The following PPP1R3A variants were observed in gnomAD, a reference collection of about 807,000 sequenced individuals.
The protein encoded by PPP1R3A is RG1.
A neutral mutation model predicts 41.7 loss-of-function variants in PPP1R3A; 29 were observed. The observed-to-expected ratio is 0.70, with a 90% CI of 0.52 to 0.95. The LOEUF (loss-of-function observed/expected upper bound fraction) is 0.95. PPP1R3A is among the 40% of genes least tolerant of loss of function. The probability of loss-of-function intolerance (pLI) is 0.00; values close to 1 mark genes in which losing one functional copy is unlikely to be tolerated. For missense variants in PPP1R3A, 1,352 were observed against 1,292.4 expected (o/e 1.05, Z -0.71); for synonymous variants, 485 against 453.4 (o/e 1.07, Z -0.89).
At position 113,880,101 on chromosome 7, in the gene PPP1R3A, T is replaced by C. The variant is rs1426249095; in HGVS notation, c.991A>G (p.Arg331Gly). Residue 331 changes from arginine (R) to glycine (G), a missense_variant, in exon 4 of 4, where the codon AGA becomes GGA. Physicochemically the swap from Arg to Gly is moderately radical, Grantham distance 125. Coordinates refer to ENST00000284601, the MANE Select transcript of PPP1R3A (RefSeq NM_002711.4). ...CTTTCATCTCTGGAAGCAGTACTTCTGGTTCTTATTAAGTGTTGATTTATC... is the reference window on the plus strand; with the variant it reads ...CTTTCATCTCTGGAAGCAGTACTTCCGGTTCTTATTAAGTGTTGATTTATC... ...LMINQHLIRT[R>G]STASRDERNT... 6.2e-7 allele frequency: 1 copy of C among 1,601,268 alleles called. No homozygotes were observed.
At chr7:113,881,083 G>GA (rs1329095815) in intron 3 of PPP1R3A, among the ~76,000 whole-genome samples, 2 of 151,850 alleles carry the variant, frequency 1.3e-5, no homozygotes, top group African/African-American at 2.4e-5. Flanking sequence ...TCTGTGGTTT[G>GA]AAAAAAATGG....
At chr7:113,894,021 T>C (rs1182748330) in intron 1 of PPP1R3A, among the ~76,000 whole-genome samples, 1 of 151,994 alleles carries the variant, frequency 6.6e-6, no homozygotes, top group African/African-American at 2.4e-5. Context: ...GTGGTGTTTT[T>C]TTCTAGCTCA....
At position 113,879,478 on chromosome 7, in the gene PPP1R3A, T is replaced by G; in HGVS notation, c.1614A>C (p.Leu538Phe). ...EKQRKNFQTILHDQERKMGNP... is the reference protein window; with the variant it reads ...EKQRKNFQTIFHDQERKMGNP... ...TACCCATCTTCCTTTCTTGGTCATG[T>G]AAGATTGTTTGGAAATTTTTTCTTT... Residue 538 changes from leucine to phenylalanine, a missense_variant, in exon 4 of 4, where the codon TTA (leucine) becomes TTC (phenylalanine). Coordinates refer to ENST00000284601, the MANE Select transcript of PPP1R3A (RefSeq NM_002711.4). 1 of 1,613,354 alleles carries G rather than the reference T, an allele frequency of 6.2e-7. No homozygotes were observed. Among genetic ancestry groups the G allele is most frequent in the East Asian group, 2.2e-5 (1 of 44,830 alleles).
chr7:113,912,544 G>T (rs1054783175), intron 1 of PPP1R3A, among the ~76,000 whole-genome samples: 2 of 152,046 alleles, frequency 1.3e-5, no homozygotes, highest in Non-Finnish European at 2.9e-5. Flanking sequence ...ATCCACTTCA[G>T]ATATCTGCCC....
chr7:113,881,920 G>A (rs1271708028), intron 3 of PPP1R3A, 119 bp downstream of exon 3: 6 of 1,145,008 alleles, frequency 5.2e-6, no homozygotes, highest in African/African-American at 3.1e-5. Flanking sequence ...GACAGAATAG[G>A]CTGTGCTTTC....
intron 1 of PPP1R3A, among the ~76,000 whole-genome samples, chr7:113,885,094 A>G (rs749898753): frequency 2.6e-5 from 4 of 152,148 alleles, no homozygotes; most frequent in South Asian, 4.1e-4. Context: ...TTGCTCTGAC[A>G]TCCAGGCTAG....
rs577920040 is a variant in PPP1R3A, at chr7:113,889,514, T to C, written c.783-7194A>G. ...ATGGGAAGTGAAAACTAGTGTTTGTTGAATGGAAAATGCCCAGATTGACAT... is the reference window on the plus strand; with the variant it reads ...ATGGGAAGTGAAAACTAGTGTTTGTCGAATGGAAAATGCCCAGATTGACAT... On this transcript the variant is annotated intron_variant, in intron 1 of 3. Coordinates refer to ENST00000284601, the MANE Select transcript of PPP1R3A (RefSeq NM_002711.4). 3.3e-5 allele frequency among the ~76,000 whole-genome samples: 5 copies of C among 152,228 alleles called. No individual in the cohort carries two copies. In the South Asian group the frequency reaches 1.0e-3, roughly 32 times the overall value.
In PPP1R3A at chr7:113,918,687, ATTC is replaced by A. The variant is rs749531788; in HGVS notation, c.307_309del (p.Glu103del). ...AAGTCAAACAGTGGGGCTAAAACAT[ATTC>A]TTCTGTGTGGAAAATGTCCGTCCCT... On this transcript the variant is annotated inframe_deletion, in exon 1 of 4. Coordinates refer to ENST00000284601, the MANE Select transcript of PPP1R3A (RefSeq NM_002711.4). The A allele has an allele frequency of 5.6e-6, 9 of 1,613,730 alleles. No individual in the cohort carries two copies. Among genetic ancestry groups the A allele is most frequent in the Non-Finnish European group, 7.6e-6 (9 of 1,179,822 alleles).
chr7:113,906,233 A>G (rs1374389954), intron 1 of PPP1R3A, among the ~76,000 whole-genome samples: 1 of 151,824 alleles, frequency 6.6e-6, no homozygotes, highest in Non-Finnish European at 1.5e-5. Context: ...AATTTAGACA[A>G]CAAATATGCA....
intron 1 of PPP1R3A, among the ~76,000 whole-genome samples, chr7:113,901,707 G>A (rs188417754): frequency 1.4e-4 from 22 of 151,854 alleles, no homozygotes; most frequent in African/African-American, 3.9e-4. Context: ...GTAAGGGGTC[G>A]TGTGGCAGGA....
At chr7:113,893,495 A>C (rs1308657258) in intron 1 of PPP1R3A, among the ~76,000 whole-genome samples, 1 of 151,998 alleles carries the variant, frequency 6.6e-6, no homozygotes, top group Non-Finnish European at 1.5e-5. Flanking sequence ...TATTTATGGC[A>C]AAGAAAACCT....
intron 1 of PPP1R3A, among the ~76,000 whole-genome samples, chr7:113,891,687 T>C (rs1796892496): frequency 6.6e-6 from 1 of 152,086 alleles, no homozygotes; most frequent in Non-Finnish European, 1.5e-5. Context: ...TTAATATTAC[T>C]GCAGTTTCTG....
At chr7:113,901,935 T>C (rs1337574477) in intron 1 of PPP1R3A, among the ~76,000 whole-genome samples, 2 of 151,964 alleles carry the variant, frequency 1.3e-5, no homozygotes, top group African/African-American at 4.8e-5. Context: ...ACTATGAACA[T>C]CAAAACAGGG....
chr7:113,915,174 A>G (rs937684363), intron 1 of PPP1R3A, among the ~76,000 whole-genome samples: 13 of 151,828 alleles, frequency 8.6e-5, no homozygotes, highest in African/African-American at 3.1e-4. Flanking sequence ...AAGTGTACAG[A>G]CTATCAGGCA....
At chr7:113,898,642 A>G (rs1185998492) in intron 1 of PPP1R3A, among the ~76,000 whole-genome samples, 1 of 151,760 alleles carries the variant, frequency 6.6e-6, no homozygotes, top group Non-Finnish European at 1.5e-5. Context: ...TCTCAACACA[A>G]ATAGTTTTGT....
chr7:113,885,153 CTGT>C (rs1034647641), intron 1 of PPP1R3A, among the ~76,000 whole-genome samples: 22 of 152,190 alleles, frequency 1.4e-4, no homozygotes, highest in African/African-American at 4.6e-4. Flanking sequence ...TCCCAGGTTC[CTGT>C]GCCTCAGCCT....
intron 1 of PPP1R3A, among the ~76,000 whole-genome samples, chr7:113,915,506 C>T (rs1483594588): frequency 2.7e-5 from 4 of 149,722 alleles, no homozygotes; most frequent in Non-Finnish European, 4.4e-5. Context: ...AATCTATTTG[C>T]AGGTATAAAG....
intron 1 of PPP1R3A, among the ~76,000 whole-genome samples, chr7:113,897,327 CA>C (rs1195334099): frequency 6.6e-6 from 1 of 151,678 alleles, no homozygotes; most frequent in African/African-American, 2.4e-5. Context: ...GGAGATCCTA[CA>C]TAGATTTTAT....
At chr7:113,897,364 G>A (rs1796994480) in intron 1 of PPP1R3A, among the ~76,000 whole-genome samples, 1 of 151,626 alleles carries the variant, frequency 6.6e-6, no homozygotes, top group Non-Finnish European at 1.5e-5. Context: ...TAAATATGAG[G>A]TAATATGTTT....
Sources: allele counts gnomAD v4.1 joint callset (sites outside exome capture counted in the v4.1 genomes callset), GRCh38; gene constraint gnomAD v4.1.1; transcripts MANE v1.5; gene names NCBI Gene and HGNC (gene_info 2026-07-23, HGNC 2026-07-21).